STXBP5L: variants seen among roughly 807,000 people sequenced by gnomAD.
The protein encoded by STXBP5L is syntaxin binding protein 5L, also known as syntaxin-binding protein 5-like.
Under a neutral mutation model 144.5 loss-of-function variants are expected in STXBP5L, and 65 were observed. The observed-to-expected ratio is 0.45, with a 90% CI of 0.37 to 0.55. The LOEUF is 0.55. Among genes scored for constraint, STXBP5L ranks in the 20% least tolerant of loss-of-function variants. STXBP5L has a pLI of 0.00. For missense variants in STXBP5L, 1,298 were observed against 1,405.5 expected (o/e 0.92, Z 1.22); for synonymous variants, 505 against 469.6 (o/e 1.08, Z -0.97).
chr3:121,108,556 G>C (rs948864340), intron 5 of STXBP5L, among the ~76,000 whole-genome samples: 1 of 152,114 alleles, frequency 6.6e-6, no homozygotes, highest in Non-Finnish European at 1.5e-5. Flanking sequence ...TGCATCCCGG[G>C]GATGAAGCCA....
rs745790425 is a variant in STXBP5L, at chr3:121,320,526, T to C, written c.2176+1986T>C. Reference sequence around the variant, plus strand: ...TTGAATAGATGTGGTATAAGTAGACTTTTTTTCTTGTTCCCAGTCTCATTG... The same window carrying C: ...TTGAATAGATGTGGTATAAGTAGACCTTTTTTCTTGTTCCCAGTCTCATTG... On this transcript the variant is annotated intron_variant, in intron 20 of 26. Transcript: ENST00000471454. Among the ~76,000 whole-genome samples the C allele has an allele frequency of 4.6e-5, 7 of 152,066 alleles. 1 individual carries two copies. Among genetic ancestry groups the C allele is most frequent in the South Asian group, 4.1e-4 (2 of 4,822 alleles).
chr3:121,374,440 C>G (rs1045877521), intron 20 of STXBP5L, among the ~76,000 whole-genome samples: 1 of 151,964 alleles, frequency 6.6e-6, no homozygotes, highest in Non-Finnish European at 1.5e-5. Flanking sequence ...CACAATAATT[C>G]TCCAATAACA....
intron 12 of STXBP5L, among the ~76,000 whole-genome samples, chr3:121,235,842 T>TACACACAC: frequency 6.9e-6 from 1 of 144,320 alleles, no homozygotes; most frequent in Admixed American, 7.0e-5. Flanking sequence ...CACACACACA[T>TACACACAC]ACACACACAC....
chr3:121,191,283 A>G (rs2047668689), intron 9 of STXBP5L, among the ~76,000 whole-genome samples: 1 of 152,202 alleles, frequency 6.6e-6, no homozygotes, highest in Non-Finnish European at 1.5e-5. Context: ...TCCCTCTGCA[A>G]TCCTGGCACC....
chr3:121,301,811 T>A (rs1221636363), intron 19 of STXBP5L, among the ~76,000 whole-genome samples: 1 of 152,138 alleles, frequency 6.6e-6, no homozygotes, highest in Non-Finnish European at 1.5e-5. Context: ...AATCATGTGG[T>A]TTTTGTCATT....
chr3:121,336,465 C>A (rs1181798049), intron 20 of STXBP5L, among the ~76,000 whole-genome samples: 1 of 152,070 alleles, frequency 6.6e-6, no homozygotes, highest in Non-Finnish European at 1.5e-5. Flanking sequence ...CCACTGCACC[C>A]CAGCCTGGGC....
intron 19 of STXBP5L, among the ~76,000 whole-genome samples, chr3:121,308,197 C>G (rs1016023335): frequency 6.6e-6 from 1 of 152,126 alleles, no homozygotes; most frequent in Non-Finnish European, 1.5e-5. Flanking sequence ...AGCAAACCAC[C>G]GTGGCAAACG....
intron 20 of STXBP5L, among the ~76,000 whole-genome samples, chr3:121,377,258 T>A (rs1382352408): frequency 6.6e-6 from 1 of 152,094 alleles, no homozygotes; most frequent in African/African-American, 2.4e-5. Context: ...AGAACTTCCA[T>A]TCAGGACATA....
At position 121,254,898 on chromosome 3, in the gene STXBP5L, C is replaced by T. The variant is rs1327425569; in HGVS notation, c.1445C>T (p.Thr482Ile). 1.2e-6 allele frequency: 2 copies of T among 1,606,630 alleles called. No homozygotes were observed. Among genetic ancestry groups the T allele is most frequent in the Non-Finnish European group, 1.7e-6 (2 of 1,177,112 alleles). Residue 482 changes from threonine to isoleucine, a missense_variant, in exon 16 of 27, where the codon ACT (threonine) becomes ATT (isoleucine). By Grantham distance (89) the Thr-to-Ile change is moderately conservative. Coordinates refer to ENST00000471454, the MANE Select transcript of STXBP5L (RefSeq NM_001308330.2). ...SIKFWDASAI[T>I]LQMLYKLKTS... ...ACTGTGCTTCGATGTCTTATAGTAA[C>T]TCTGCAGATGCTGTACAAGCTAAAA...
intron 24 of STXBP5L, 138 bp downstream of exon 24, chr3:121,413,461 A>C: frequency 1.4e-6 from 1 of 726,054 alleles, no homozygotes; most frequent in African/African-American, 1.8e-5. Context: ...TATATTCTTC[A>C]TTTTGAGCCT....
intron 20 of STXBP5L, among the ~76,000 whole-genome samples, chr3:121,355,231 C>A (rs568647885): frequency 1.3e-5 from 2 of 152,268 alleles, no homozygotes; most frequent in East Asian, 3.9e-4. Context: ...TGAATGTTGG[C>A]CTGCCTTGCT....
chr3:121,131,013 A>G (rs1347584592), intron 7 of STXBP5L, among the ~76,000 whole-genome samples: 1 of 152,132 alleles, frequency 6.6e-6, no homozygotes, highest in African/African-American at 2.4e-5. Flanking sequence ...AAAATAAAGC[A>G]AAAGGAAACA....
intron 20 of STXBP5L, among the ~76,000 whole-genome samples, chr3:121,325,173 C>T (rs2044104177): frequency 1.3e-5 from 2 of 152,060 alleles, no homozygotes; most frequent in Admixed American, 1.3e-4. Context: ...GGTTGCACAG[C>T]CTCCTGAAAT....
intron 3 of STXBP5L, among the ~76,000 whole-genome samples, chr3:120,961,829 G>C (rs1938865962): frequency 6.6e-6 from 1 of 152,188 alleles, no homozygotes; most frequent in Non-Finnish European, 1.5e-5. Context: ...TGTAGTTCTA[G>C]ATCCTTGAGG....
intron 14 of STXBP5L, among the ~76,000 whole-genome samples, chr3:121,244,184 T>C (rs2049764510): frequency 6.6e-6 from 1 of 151,802 alleles, no homozygotes; most frequent in Non-Finnish European, 1.5e-5. Context: ...AGGGAAATGA[T>C]GCATGAACAA....
intron 3 of STXBP5L, among the ~76,000 whole-genome samples, chr3:121,006,368 T>C (rs1449577934): frequency 9.9e-5 from 15 of 151,972 alleles, no homozygotes; most frequent in Admixed American, 9.9e-4. Context: ...GAGACTAGGA[T>C]TGCAATCCCT....
chr3:121,211,098 T>C (rs927589609), intron 10 of STXBP5L, among the ~76,000 whole-genome samples: 1 of 152,196 alleles, frequency 6.6e-6, no homozygotes. Context: ...GTGTCCTCTT[T>C]TATTTTGTTG....
chr3:121,302,846 G>A (rs1328277813), intron 19 of STXBP5L, among the ~76,000 whole-genome samples: 1 of 152,128 alleles, frequency 6.6e-6, no homozygotes, highest in Admixed American at 6.6e-5. Flanking sequence ...AGCTGAAACT[G>A]GATCCCTTCC....
chr3:121,384,907 C>T (rs2046393326), intron 22 of STXBP5L, among the ~76,000 whole-genome samples: 1 of 151,892 alleles, frequency 6.6e-6, no homozygotes, highest in African/African-American at 2.4e-5. Context: ...TTTGTTAAAA[C>T]TCATTTTAAG....
Sources: allele counts gnomAD v4.1 joint callset (sites outside exome capture counted in the v4.1 genomes callset), GRCh38; gene constraint gnomAD v4.1.1; transcripts MANE v1.5; gene names NCBI Gene and HGNC (gene_info 2026-07-23, HGNC 2026-07-21).